The following VIRMA variants were observed in gnomAD, a reference collection of about 807,000 sequenced individuals.
VIRMA encodes protein virilizer homolog.
A neutral mutation model predicts 182.4 loss-of-function variants in VIRMA; 65 were observed. The observed-to-expected ratio is 0.36, with a 90% confidence interval of 0.29 to 0.44. The LOEUF is 0.44. Ranked by LOEUF, VIRMA falls within the 20% of genes least tolerant of loss-of-function variation. The pLI is 1.00. For synonymous variants in VIRMA, 709 were observed against 743.1 expected, an observed-to-expected ratio of 0.95 and a Z score of 0.75; for missense variants, 1,752 against 2,158.1, an observed-to-expected ratio of 0.81 and a Z score of 3.73.
chr8:94,501,944 C>T (rs113683753), intron 16 of VIRMA, among the ~76,000 whole-genome samples: 2,379 of 152,232 alleles, frequency 0.016, 30 homozygotes, highest in Non-Finnish European at 0.024. Flanking sequence ...CTGTTAAGTC[C>T]GTTTGTTCCA....
intron 22 of VIRMA, 122 bp from the exon 23 acceptor site, chr8:94,490,204 T>C: frequency 1.8e-6 from 2 of 1,108,232 alleles, no homozygotes; most frequent in Middle Eastern, 2.2e-4. Flanking sequence ...GCAAACTGAC[T>C]GTACTATATA....
chr8:94,535,017 AGG>A lies in VIRMA; in HGVS notation c.316-12_316-11del. The A allele has an allele frequency of 6.4e-7, 1 of 1,557,670 alleles. No individual in the cohort carries two copies. Among genetic ancestry groups the A allele is most frequent in the African/African-American group, 1.4e-5 (1 of 72,000 alleles). ...GACCATCAGTATTCACCTGATTTTC[AGG>A]GAGGGCAAAAAAAATCTTTCAAAGT... On this transcript the variant is annotated splice_polypyrimidine_tract_variant and intron_variant, in intron 4 of 23. Transcript: ENST00000297591.
intron 15 of VIRMA, among the ~76,000 whole-genome samples, chr8:94,508,656 T>A (rs1474538006): frequency 6.6e-6 from 1 of 150,872 alleles, no homozygotes; most frequent in Non-Finnish European, 1.5e-5. Flanking sequence ...GGACTTAGAA[T>A]ACCCTTTCTA....
chr8:94,546,807 T>G, intron 1 of VIRMA: 1 of 401,942 alleles, frequency 2.5e-6, no homozygotes, highest in Non-Finnish European at 4.9e-6. Flanking sequence ...CAACACATTC[T>G]CCTACTGAAG....
At chr8:94,493,597 C>T (rs1813675710) in intron 20 of VIRMA, among the ~76,000 whole-genome samples, 1 of 152,144 alleles carries the variant, frequency 6.6e-6, no homozygotes, top group South Asian at 2.1e-4. Flanking sequence ...TGCATTATTG[C>T]ATAAAATTCT....
intron 16 of VIRMA, among the ~76,000 whole-genome samples, chr8:94,502,449 A>T (rs1814022209): frequency 6.6e-6 from 1 of 151,394 alleles, no homozygotes. Flanking sequence ...TTTATAATTA[A>T]AACTTTTAAT....
At chr8:94,501,800 T>C (rs1813995675) in intron 16 of VIRMA, among the ~76,000 whole-genome samples, 1 of 151,818 alleles carries the variant, frequency 6.6e-6, no homozygotes, top group Admixed American at 6.6e-5. Context: ...CTACAAAAGA[T>C]ACAAAAATTA....
At chr8:94,534,527 G>A in intron 5 of VIRMA, 1 of 424,192 alleles carries the variant, frequency 2.4e-6, no homozygotes, top group South Asian at 2.9e-5. Flanking sequence ...TTCAAAAGGT[G>A]AACGAGGTGT....
chr8:94,530,987 C>G lies in VIRMA; in HGVS notation c.583G>C (p.Glu195Gln), dbSNP rs753986605. Residue 195 changes from glutamate (E) to glutamine (Q), a missense_variant, in exon 6 of 24, where the codon GAA becomes CAA. Physicochemically the swap from Glu to Gln is conservative, Grantham distance 29 (BLOSUM62 2). Transcript: ENST00000297591. ...PPGPPPPDDDEDDPVPLPVSG... is the reference protein window; with the variant it reads ...PPGPPPPDDDQDDPVPLPVSG... Reference sequence around the variant, plus strand: ...CCTGGCAGAGGCACAGGATCATCTTCATCATCATCAGGTGGAGGGGGTCCT... The same window carrying G: ...CCTGGCAGAGGCACAGGATCATCTTGATCATCATCAGGTGGAGGGGGTCCT... 1 of 1,603,184 alleles carries G rather than the reference C, an allele frequency of 6.2e-7. No homozygotes were observed. The highest frequency in any genetic ancestry group is 8.5e-7 in the Non-Finnish European group (1 of 1,175,190).
At chr8:94,528,435 C>T (rs1400279139) in intron 7 of VIRMA, among the ~76,000 whole-genome samples, 1 of 152,006 alleles carries the variant, frequency 6.6e-6, no homozygotes, top group Non-Finnish European at 1.5e-5. Context: ...TTTTTACTAT[C>T]TGTAGAAAAA....
intron 8 of VIRMA, among the ~76,000 whole-genome samples, chr8:94,522,357 T>C (rs1472472521): frequency 6.6e-6 from 1 of 152,198 alleles, no homozygotes; most frequent in Non-Finnish European, 1.5e-5. Context: ...AGCTTGCAAC[T>C]GGTTTTCCCA....
intron 1 of VIRMA, 54 bp from the exon 2 acceptor site, chr8:94,543,996 G>T: frequency 1.2e-6 from 1 of 847,580 alleles, no homozygotes; most frequent in Non-Finnish European, 2.0e-6. Flanking sequence ...ATGTAAAACA[G>T]TTTCTCTATT....
chr8:94,535,088 G>A, intron 4 of VIRMA, 81 bp from the exon 5 acceptor site: 1 of 1,506,014 alleles, frequency 6.6e-7, no homozygotes, highest in Non-Finnish European at 8.8e-7. Flanking sequence ...AAATTAGATT[G>A]TGGTTCAACT....
intron 2 of VIRMA, among the ~76,000 whole-genome samples, chr8:94,541,199 G>C (rs1815541213): frequency 6.6e-6 from 1 of 150,760 alleles, no homozygotes; most frequent in Non-Finnish European, 1.5e-5. Context: ...ACAGCTCACT[G>C]CAACTCTTAA....
At position 94,548,174 on chromosome 8, in the gene VIRMA, C is replaced by A. The variant is rs1391265029; in HGVS notation, c.64-4232G>T. Among the ~76,000 whole-genome samples the A allele has an allele frequency of 4.7e-5, 7 of 150,334 alleles. 1 individual carries two copies. Among genetic ancestry groups the A allele is most frequent in the Admixed American group, 4.0e-4 (6 of 15,186 alleles). On this transcript the variant is annotated intron_variant, in intron 1 of 23. Transcript: ENST00000297591. Reference sequence around the variant, plus strand: ...ACTTTTTACCACATACTCTTTTGTACCTTTTGTATTTGTACCTCATACATG... The same window carrying A: ...ACTTTTTACCACATACTCTTTTGTAACTTTTGTATTTGTACCTCATACATG...
At chr8:94,488,908 C>A in intron 23 of VIRMA, 48 bp from the exon 24 acceptor site, 1 of 1,583,120 alleles carries the variant, frequency 6.3e-7, no homozygotes, top group Non-Finnish European at 8.6e-7. Context: ...CTTTCTTTTC[C>A]AAGATTATAA....
intron 6 of VIRMA, among the ~76,000 whole-genome samples, chr8:94,530,209 CAGAA>C (rs1245742502): frequency 3.9e-5 from 6 of 151,902 alleles, no homozygotes; most frequent in African/African-American, 1.5e-4. Flanking sequence ...AACTGGCTGA[CAGAA>C]AGAAAAATAC....
intron 9 of VIRMA, among the ~76,000 whole-genome samples, chr8:94,518,305 A>T (rs907351605): frequency 2.0e-5 from 3 of 152,214 alleles, no homozygotes; most frequent in African/African-American, 7.2e-5. Context: ...AATAGGAACG[A>T]GTATGATCAC....
Position 94,529,339 on chromosome 8 carries a change from G to A in VIRMA, c.611C>T (p.Ser204Phe). The A allele has an allele frequency of 1.3e-6, 2 of 1,586,934 alleles. No individual in the cohort carries two copies. Among genetic ancestry groups the A allele is most frequent in the Non-Finnish European group, 1.7e-6 (2 of 1,156,134 alleles). ...DEDDPVPLPVSGDKEEDAPHR... is the reference protein window; with the variant it reads ...DEDDPVPLPVFGDKEEDAPHR... ...AGGAGCATCCTCTTCCTTGTCACCA[G>A]ACACTGAAAAATTGAGATTTAAGGC... The change falls in exon 7 of 24, where the codon TCT (serine) becomes TTT (phenylalanine). Residue 204 changes from serine (S) to phenylalanine (F), a missense_variant. By Grantham distance (155) the Ser-to-Phe change is radical. This residue lies in a region of VIRMA where 114 missense variants were observed against 106.9 expected (regional missense o/e 1.07). Coordinates refer to ENST00000297591, the MANE Select transcript of VIRMA (RefSeq NM_015496.5).
Sources: allele counts gnomAD v4.1 joint callset (sites outside exome capture counted in the v4.1 genomes callset), GRCh38; gene constraint gnomAD v4.1.1; regional missense constraint gnomAD v4.1.1; transcripts MANE v1.5; gene names NCBI Gene and HGNC (gene_info 2026-07-23, HGNC 2026-07-21).